Variants in APTX observed in about 807,000 individuals in gnomAD.
APTX encodes aprataxin, also known as forkhead-associated domain histidine triad-like protein.
Under a neutral mutation model 42.3 loss-of-function variants are expected in APTX, and 33 were observed. The observed-to-expected ratio is 0.78, with a 90% CI of 0.59 to 1.04. The LOEUF (loss-of-function observed/expected upper bound fraction) is 1.04, where lower values mean the gene tolerates loss of function less well. Ranked by LOEUF, APTX falls within the 50% of genes least tolerant of loss-of-function variation. The probability of loss-of-function intolerance (pLI) is 0.00; values close to 1 mark genes in which losing one functional copy is unlikely to be tolerated. For missense variants in APTX, 421 were observed against 415.1 expected (o/e 1.01, Z -0.12); for synonymous variants, 130 against 146.7 (o/e 0.89, Z 0.82).
upstream of APTX, among the ~76,000 whole-genome samples, chr9:33,004,100 A>C (rs545676936): frequency 1.4e-4 from 22 of 152,372 alleles, no homozygotes; most frequent in East Asian, 3.9e-3. Context: ...ATAAAGAAGA[A>C]TGAAATAATG....
chr9:32,974,072 C>T (rs1009415610), intron 7 of APTX, among the ~76,000 whole-genome samples: 6 of 152,034 alleles, frequency 3.9e-5, no homozygotes, highest in African/African-American at 1.5e-4. Context: ...ACAGGGTTCC[C>T]CCTGCTAATT....
rs191205856 is a variant in APTX, at chr9:32,995,847, C to A, written c.-5+5720G>T. Among the ~76,000 whole-genome samples the A allele has an allele frequency of 7.3e-3, 1,097 of 149,380 alleles. 8 individuals are homozygous for A. Among genetic ancestry groups the A allele is most frequent in the Non-Finnish European group, 9.5e-3 (644 of 67,668 alleles). On this transcript the variant is annotated intron_variant, in intron 1 of 7. Coordinates refer to ENST00000379817, the MANE Select transcript of APTX (RefSeq NM_001195248.2). ...AGCTTGCAGTGAACCGAGATCGCGC[C>A]ACTGCACTCCAGCCTGGGCGACAGA...
rs1366503242 is a variant in APTX, at chr9:32,991,526, G to A, written c.-4-1631C>T. ...TGGCCAGGTGCGGTGTCTCAGGCCT[G>A]TAATCCCAGCACTTTGGGAGCCCAA... On this transcript the variant is annotated intron_variant, in intron 1 of 7. Transcript: ENST00000379817. 8.5e-5 allele frequency among the ~76,000 whole-genome samples: 13 copies of A among 152,116 alleles called. No individual in the cohort carries two copies. The East Asian group carries it at 1.7e-3, about 20-fold the overall frequency.
chr9:33,022,627 G>A (rs1310459064), intron 1 of APTX, among the ~76,000 whole-genome samples: 3 of 152,124 alleles, frequency 2.0e-5, no homozygotes, highest in Non-Finnish European at 4.4e-5. Context: ...TCATCAGTAG[G>A]GGAATAAATT....
chr9:32,986,043 CAAAAAA>C lies in APTX; in HGVS notation c.484-19_484-14del. On this transcript the variant is annotated splice_polypyrimidine_tract_variant and intron_variant, in intron 4 of 7. Transcript: ENST00000379817. ...GGCCCAGGGATTCCTAAAAAAAAAA[CAAAAAA>C]AAAAACAAAAAAAAAAAAAAACAAG... is the stretch of plus-strand genomic sequence containing the variant. 1 of 985,244 alleles carries C rather than the reference CAAAAAA, an allele frequency of 1.0e-6. No homozygotes were observed. Among genetic ancestry groups the C allele is most frequent in the Non-Finnish European group, 1.4e-6 (1 of 709,514 alleles). The allele number at this position is 985,244 out of a possible 1,614,324, so 61.0% of individuals were successfully genotyped here.
At chr9:33,006,201 G>A (rs1246878729), upstream of APTX, among the ~76,000 whole-genome samples, 1 of 151,924 alleles carries the variant, frequency 6.6e-6, no homozygotes, top group Admixed American at 6.6e-5. Flanking sequence ...CAGGAGGATT[G>A]CTTGAGGCCA....
chr9:33,004,145 T>C (rs1050202257), upstream of APTX, among the ~76,000 whole-genome samples: 4 of 152,216 alleles, frequency 2.6e-5, no homozygotes, highest in Non-Finnish European at 4.4e-5. Context: ...CTGGAGGCCA[T>C]TTTTCTAAGT....
upstream of APTX, among the ~76,000 whole-genome samples, chr9:33,004,691 G>C (rs936375972): frequency 2.7e-5 from 4 of 146,748 alleles, no homozygotes; most frequent in Non-Finnish European, 5.9e-5. Context: ...GGAGTGCAGT[G>C]GTGCAATCTC....
intron 1 of APTX, among the ~76,000 whole-genome samples, chr9:33,007,379 G>A (rs937080383): frequency 1.3e-5 from 2 of 152,206 alleles, no homozygotes; most frequent in African/African-American, 4.8e-5. Context: ...TTTTATGAAG[G>A]TCATTGTGGC....
At chr9:32,994,590 T>C (rs1834391157) in intron 1 of APTX, among the ~76,000 whole-genome samples, 1 of 152,266 alleles carries the variant, frequency 6.6e-6, no homozygotes, top group Admixed American at 6.5e-5. Flanking sequence ...GTCAAGCAAG[T>C]CTTTCAGTGC....
At chr9:32,995,300 G>A (rs1019309219) in intron 1 of APTX, among the ~76,000 whole-genome samples, 2 of 152,202 alleles carry the variant, frequency 1.3e-5, no homozygotes, top group African/African-American at 2.4e-5. Context: ...AAGAACATCT[G>A]TAATTTATGG....
intron 6 of APTX, among the ~76,000 whole-genome samples, chr9:32,976,040 C>A (rs1829315573): frequency 6.6e-6 from 1 of 152,122 alleles, no homozygotes; most frequent in Admixed American, 6.6e-5. Flanking sequence ...TTATTCCTAA[C>A]AGAAAAACAA....
Position 32,989,896 on chromosome 9 carries a change from C to G in APTX, c.-4-1G>C. On this transcript the variant is annotated splice_acceptor_variant, in intron 1 of 7. Transcript: ENST00000379817. LOFTEE classifies it low-confidence loss of function (5UTR_SPLICE). ...CAACCAGCACACCCGCATCATCACT[C>G]TAAGGGACAAAACAAAAGAATCACT... The G allele has an allele frequency of 6.2e-7, 1 of 1,613,654 alleles. No homozygotes were observed. The highest frequency in any genetic ancestry group is 8.5e-7 in the Non-Finnish European group (1 of 1,179,778).
chr9:32,983,678 C>T (rs1171637950), intron 6 of APTX, among the ~76,000 whole-genome samples: 1 of 152,046 alleles, frequency 6.6e-6, no homozygotes, highest in Non-Finnish European at 1.5e-5. Flanking sequence ...TCACATGCTA[C>T]AACATGGATA....
intron 1 of APTX, among the ~76,000 whole-genome samples, chr9:33,018,840 T>C (rs1838126997): frequency 1.3e-5 from 2 of 152,144 alleles, no homozygotes; most frequent in Admixed American, 6.5e-5. Context: ...CATCACGCCA[T>C]TGCGCTCCAG....
intron 6 of APTX, among the ~76,000 whole-genome samples, chr9:32,974,891 CA>C (rs113746058): frequency 6.6e-5 from 10 of 151,000 alleles, no homozygotes; most frequent in South Asian, 4.2e-4. Flanking sequence ...AATAAACAAA[CA>C]AAAAAAAACT....
intron 1 of APTX, among the ~76,000 whole-genome samples, chr9:33,020,909 C>T (rs1008342935): frequency 1.3e-5 from 2 of 152,054 alleles, no homozygotes; most frequent in African/African-American, 4.8e-5. Flanking sequence ...GCGGGCAGAT[C>T]ACCTGAGGTT....
At chr9:33,014,647 C>A (rs1369754065) in intron 1 of APTX, among the ~76,000 whole-genome samples, 1 of 152,246 alleles carries the variant, frequency 6.6e-6, no homozygotes, top group Non-Finnish European at 1.5e-5. Context: ...GACATTCACT[C>A]AACAAACACT....
intron 1 of APTX, among the ~76,000 whole-genome samples, chr9:32,994,786 C>T (rs957508536): frequency 6.6e-6 from 1 of 152,162 alleles, no homozygotes; most frequent in Non-Finnish European, 1.5e-5. Flanking sequence ...GAAGTCAATG[C>T]CTGACTTCAA....
Sources: gnomAD v4.1 joint callset for allele counts (sites outside exome capture counted in the v4.1 genomes callset) on GRCh38, gnomAD v4.1.1 for gene constraint, MANE v1.5 for transcripts, NCBI Gene and HGNC (gene_info 2026-07-23, HGNC 2026-07-21) for gene names.